Variants in CHPT1 observed in about 807,000 individuals in gnomAD.
CHPT1 encodes the protein choline phosphotransferase 1.
Under a neutral mutation model 47.6 loss-of-function variants are expected in CHPT1, and 36 were observed. The observed-to-expected ratio is 0.76, with a 90% confidence interval of 0.58 to 1.00. CHPT1 has a LOEUF of 1.00. Among genes scored for constraint, CHPT1 ranks in the 50% least tolerant of loss-of-function variants. The probability of loss-of-function intolerance (pLI) is 0.00; values close to 1 mark genes in which losing one functional copy is unlikely to be tolerated. For synonymous variants in CHPT1, 194 were observed against 186.3 expected (o/e 1.04, Z -0.33); for missense variants, 458 against 498.1 (o/e 0.92, Z 0.77).
chr12:101,703,484 C>T (rs1951583222), intron 1 of CHPT1, among the ~76,000 whole-genome samples: 1 of 152,146 alleles, frequency 6.6e-6, no homozygotes, highest in East Asian at 1.9e-4. Context: ...TTTCCTTTGC[C>T]GCAGCTTATA....
chr12:101,721,839 T>C (rs1372928949), intron 5 of CHPT1, among the ~76,000 whole-genome samples: 1 of 152,058 alleles, frequency 6.6e-6, no homozygotes, highest in East Asian at 1.9e-4. Flanking sequence ...GGCGGGCAGA[T>C]CATTAGGTCA....
At chr12:101,704,306 A>G (rs1341583416) in intron 1 of CHPT1, among the ~76,000 whole-genome samples, 1 of 149,806 alleles carries the variant, frequency 6.7e-6, no homozygotes, top group African/African-American at 2.5e-5. Flanking sequence ...TTTATTTACT[A>G]TTTTTCTTTA....
Position 101,720,235 on chromosome 12 carries a change from A to G in CHPT1, c.761A>G (p.Lys254Arg). 6.2e-7 allele frequency: 1 copy of G among 1,605,066 alleles called. No homozygotes were observed. Among genetic ancestry groups the G allele is most frequent in the Non-Finnish European group, 8.5e-7 (1 of 1,176,526 alleles). ...FHVILHGGVG[K>R]NGSTIAGTSV... ...GTTATCCTCCATGGTGGTGTTGGCA[A>G]GAATGGATCCACTATAGCAGTAAGG... Residue 254 changes from lysine to arginine, a missense_variant, in exon 5 of 9, where the codon AAG becomes AGG. Physicochemically the swap from Lys to Arg is conservative, Grantham distance 26 (BLOSUM62 2). Coordinates refer to ENST00000229266, the MANE Select transcript of CHPT1 (RefSeq NM_020244.3).
intron 3 of CHPT1, among the ~76,000 whole-genome samples, chr12:101,716,517 T>C (rs1256774080): frequency 6.6e-6 from 1 of 152,206 alleles, no homozygotes; most frequent in African/African-American, 2.4e-5. Context: ...TCCCTCTGCA[T>C]ATACCGTTAC....
chr12:101,718,612 A>G (rs1951800286), intron 4 of CHPT1, among the ~76,000 whole-genome samples: 1 of 150,994 alleles, frequency 6.6e-6, no homozygotes, highest in Non-Finnish European at 1.5e-5. Context: ...ATGAGCCATT[A>G]TCATGCCACT....
chr12:101,723,448 T>A lies in CHPT1; in HGVS notation c.939+122T>A, dbSNP rs56710264. 4.7e-4 allele frequency: 319 copies of A among 672,384 alleles called. 2 individuals are homozygous for A. The East Asian group carries it at 8.1e-3, about 17-fold the overall frequency. The allele number at this position is 672,384 out of a possible 1,614,324, so 41.7% of individuals were successfully genotyped here. On this transcript the variant is annotated intron_variant, in intron 6 of 8. Coordinates refer to ENST00000229266, the MANE Select transcript of CHPT1 (RefSeq NM_020244.3). ...AGTGTAAAATCATAATAATTAGCTA[T>A]TTGTGCTCCAAGCAAAACTGTGATA...
rs185398458 is a variant in CHPT1, at chr12:101,705,177, C to T, written c.273+7043C>T. Among the ~76,000 whole-genome samples the T allele has an allele frequency of 9.4e-4, 128 of 136,384 alleles. 3 individuals carry two copies. The East Asian group carries it at 0.021, about 23-fold the overall frequency. 89.5% of individuals were successfully genotyped at this position (136,384 alleles called of 152,430 possible). Reference sequence around the variant, plus strand: ...CTACTGTCCTCAAGTGATCCTCCCCCCTCAGCCTCCCAAGCAGCTGGGATT... The same window carrying T: ...CTACTGTCCTCAAGTGATCCTCCCCTCTCAGCCTCCCAAGCAGCTGGGATT... On this transcript the variant is annotated intron_variant, in intron 1 of 8. Transcript: ENST00000229266.
chr12:101,714,811 G>T, intron 3 of CHPT1, 166 bp downstream of exon 3: 4 of 499,540 alleles, frequency 8.0e-6, no homozygotes, highest in Admixed American at 4.1e-5. Context: ...TAGGTACTCT[G>T]CATGTTATAA....
chr12:101,720,023 G>T lies in CHPT1; in HGVS notation c.649-100G>T, dbSNP rs187599076. On this transcript the variant is annotated intron_variant, in intron 4 of 8. Transcript: ENST00000229266. ...AGTTAAGGTTTGATCACAAGAAAAA[G>T]GATAGCTTATTGTACAGGGCTTATC... 2.2e-5 allele frequency: 15 copies of T among 673,966 alleles called. No individual in the cohort carries two copies. The Admixed American group carries it at 3.7e-4, about 17-fold the overall frequency. 41.7% of individuals were successfully genotyped at this position (673,966 alleles called of 1,614,324 possible). A position where few individuals can be genotyped will look rare whatever the true frequency, so the allele number is the denominator to read the frequency against.
intron 1 of CHPT1, among the ~76,000 whole-genome samples, chr12:101,703,340 A>G (rs1951581329): frequency 6.6e-6 from 1 of 152,228 alleles, no homozygotes; most frequent in African/African-American, 2.4e-5. Flanking sequence ...TAAAGAAGAA[A>G]GAAAACCAAA....
At chr12:101,701,234 C>G (rs1315775350) in intron 1 of CHPT1, among the ~76,000 whole-genome samples, 5 of 152,196 alleles carry the variant, frequency 3.3e-5, no homozygotes, top group African/African-American at 9.7e-5. Flanking sequence ...TTATCCCTCT[C>G]TTTTCCCCTT....
At position 101,712,742 on chromosome 12, in the gene CHPT1, GTCTTT is replaced by G. The variant is rs992675748; in HGVS notation, c.274-1343_274-1339del. Among the ~76,000 whole-genome samples the G allele has an allele frequency of 1.3e-4, 19 of 148,590 alleles. 1 individual carries two copies. The highest frequency in any genetic ancestry group is 4.6e-4 in the African/African-American group (19 of 41,156). Reference sequence around the variant, plus strand: ...TTTCATTTCTGGAGATTTCACTTGAGTCTTTTCTTCCATTTCTGTTTATAATTTTC... The same window carrying G: ...TTTCATTTCTGGAGATTTCACTTGAGTCTTCCATTTCTGTTTATAATTTTC... On this transcript the variant is annotated intron_variant, in intron 1 of 8. Coordinates refer to ENST00000229266, the MANE Select transcript of CHPT1 (RefSeq NM_020244.3).
chr12:101,717,949 C>T (rs988097779), intron 4 of CHPT1, among the ~76,000 whole-genome samples: 3 of 152,070 alleles, frequency 2.0e-5, no homozygotes, highest in Non-Finnish European at 2.9e-5. Flanking sequence ...AGAAGTTATG[C>T]GAGGAACTTA....
chr12:101,727,847 C>CAATT (rs1327894852), intron 8 of CHPT1: 4 of 152,020 alleles, frequency 2.6e-5, no homozygotes, highest in African/African-American at 7.2e-5. Context: ...TAGGTTGTCA[C>CAATT]AATTAGAAAA....
At chr12:101,728,301 A>G (rs796652089) in intron 8 of CHPT1, 1 of 152,620 alleles carries the variant, frequency 6.6e-6, no homozygotes, top group African/African-American at 2.4e-5. Context: ...GAAATTAGGT[A>G]TGTTAATGAT....
At chr12:101,703,191 A>G (rs561251299) in intron 1 of CHPT1, among the ~76,000 whole-genome samples, 1 of 152,204 alleles carries the variant, frequency 6.6e-6, no homozygotes, top group African/African-American at 2.4e-5. Flanking sequence ...AAGTTGAAGA[A>G]CAGAACAGAA....
rs760076291 is a variant in CHPT1, at chr12:101,728,979, T to G, written c.*34T>G. On this transcript the variant is annotated 3_prime_UTR_variant, in exon 9 of 9. Coordinates refer to ENST00000229266, the MANE Select transcript of CHPT1 (RefSeq NM_020244.3). Reference sequence around the variant, plus strand: ...CCGAACACTTGCTATCTCTTGCTGCTGCTGTTTCATGGAAGGAGATATTAA... The same window carrying G: ...CCGAACACTTGCTATCTCTTGCTGCGGCTGTTTCATGGAAGGAGATATTAA... 3.1e-6 allele frequency: 5 copies of G among 1,613,592 alleles called. No homozygotes were observed. The highest frequency in any genetic ancestry group is 4.2e-6 in the Non-Finnish European group (5 of 1,179,714).
chr12:101,700,250 C>A (rs12305473), intron 1 of CHPT1, among the ~76,000 whole-genome samples: 342 of 150,254 alleles, frequency 2.3e-3, no homozygotes, highest in African/African-American at 8.2e-3. Context: ...GAGCTTCTGC[C>A]TAGGGAAGTA....
At position 101,714,528 on chromosome 12, in the gene CHPT1, T is replaced by C. The variant is rs892982094; in HGVS notation, c.446T>C (p.Ile149Thr). ...STVFMAVGAS[I>T]AARLGTYPDW... is the part of the protein sequence containing the mutation. ...GTATTTATGGCAGTGGGAGCTTCAA[T>C]TGCCGCTCGCTTAGGAACTTATCCT... Residue 149 changes from isoleucine to threonine, a missense_variant, in exon 3 of 9, where the codon ATT becomes ACT. Coordinates refer to ENST00000229266, the MANE Select transcript of CHPT1 (RefSeq NM_020244.3). 3.1e-6 allele frequency: 5 copies of C among 1,606,256 alleles called. No homozygotes were observed. Among genetic ancestry groups the C allele is most frequent in the Non-Finnish European group, 4.2e-6 (5 of 1,177,814 alleles).
Sources: allele counts gnomAD v4.1 joint callset (sites outside exome capture counted in the v4.1 genomes callset), GRCh38; gene constraint gnomAD v4.1.1; transcripts MANE v1.5; gene names NCBI Gene and HGNC (gene_info 2026-07-23, HGNC 2026-07-21).